The following CEP128 variants were observed in gnomAD, a reference collection of about 807,000 sequenced individuals.
CEP128 encodes the protein centrosomal protein 128, also known as centrosomal protein 128kDa.
CEP128 carries 132 observed loss-of-function variants against 156.7 expected under a neutral mutation model. The observed-to-expected ratio is 0.84, with a 90% CI of 0.73 to 0.97. The LOEUF is 0.97. CEP128 is among the 50% of genes least tolerant of loss of function. The pLI is 0.00. For synonymous variants in CEP128, 469 were observed against 448.9 expected (o/e 1.04, Z -0.57); for missense variants, 1,252 against 1,281.9 (o/e 0.98, Z 0.36).
intron 2 of CEP128, chr14:80,954,924 C>T (rs1886572580): frequency 1.3e-5 from 2 of 152,856 alleles, no homozygotes; most frequent in African/African-American, 4.8e-5. Context: ...CAGCAGATGG[C>T]CCCAAAGTTC....
intron 23 of CEP128, among the ~76,000 whole-genome samples, chr14:80,512,976 G>T (rs1436776263): frequency 6.6e-6 from 1 of 151,904 alleles, no homozygotes; most frequent in African/African-American, 2.4e-5. Context: ...TTATCTTTTA[G>T]TCTTTCTACT....
chr14:80,917,660 T>A (rs570975146), intron 2 of CEP128, among the ~76,000 whole-genome samples: 1 of 152,272 alleles, frequency 6.6e-6, no homozygotes, highest in Non-Finnish European at 1.5e-5. Flanking sequence ...TGCCTCAGCC[T>A]CCCGAGAAAA....
chr14:80,877,463 A>T (rs1384263785), intron 8 of CEP128, among the ~76,000 whole-genome samples: 1 of 152,246 alleles, frequency 6.6e-6, no homozygotes, highest in Admixed American at 6.5e-5. Flanking sequence ...AATGTATAAG[A>T]TATAAAACTT....
intron 16 of CEP128, among the ~76,000 whole-genome samples, chr14:80,765,789 G>A (rs1205136401): frequency 6.6e-6 from 1 of 152,146 alleles, no homozygotes; most frequent in African/African-American, 2.4e-5. Context: ...GGTAACCAAA[G>A]CGCAGACAGA....
At chr14:80,702,335 G>T (rs1196221838) in intron 19 of CEP128, among the ~76,000 whole-genome samples, 1 of 152,102 alleles carries the variant, frequency 6.6e-6, no homozygotes, top group East Asian at 1.9e-4. Flanking sequence ...CCAAATTAAA[G>T]AAATTACATT....
chr14:80,902,144 A>C (rs527410344), intron 6 of CEP128, among the ~76,000 whole-genome samples: 1 of 152,120 alleles, frequency 6.6e-6, no homozygotes, highest in South Asian at 2.1e-4. Context: ...TCTTTCCACT[A>C]TCGCATGCAT....
At chr14:80,601,835 A>T (rs1892592398) in intron 19 of CEP128, among the ~76,000 whole-genome samples, 1 of 151,696 alleles carries the variant, frequency 6.6e-6, no homozygotes, top group African/African-American at 2.4e-5. Flanking sequence ...ACACTGTCAT[A>T]TATGCAGTCC....
intron 13 of CEP128, among the ~76,000 whole-genome samples, chr14:80,809,523 A>G (rs962600669): frequency 1.3e-5 from 2 of 152,170 alleles, no homozygotes; most frequent in Admixed American, 6.5e-5. Flanking sequence ...GGGATCCCCA[A>G]TAAGATACAA....
chr14:80,507,898 G>A (rs1370043487), intron 23 of CEP128, among the ~76,000 whole-genome samples: 1 of 152,138 alleles, frequency 6.6e-6, no homozygotes, highest in Non-Finnish European at 1.5e-5. Context: ...TCTATTTAGG[G>A]AAAAATAATA....
chr14:80,700,880 A>T (rs1020029047), intron 19 of CEP128, among the ~76,000 whole-genome samples: 15 of 152,292 alleles, frequency 9.8e-5, no homozygotes, highest in Admixed American at 9.2e-4. Context: ...TGTTTAACTG[A>T]CCATACAGAT....
intron 13 of CEP128, among the ~76,000 whole-genome samples, chr14:80,801,374 T>C (rs1351850474): frequency 1.7e-5 from 2 of 116,606 alleles, no homozygotes; most frequent in Non-Finnish European, 3.8e-5. Flanking sequence ...GCTGTGGGTT[T>C]GTCATAAATA....
At chr14:80,634,447 A>G (rs1253298317) in intron 19 of CEP128, among the ~76,000 whole-genome samples, 1 of 152,110 alleles carries the variant, frequency 6.6e-6, no homozygotes, top group African/African-American at 2.4e-5. Flanking sequence ...ACTAATATCA[A>G]TATAGATGTT....
chr14:80,481,733 AC>A (rs1887057704), intron 14 of CEP128, among the ~76,000 whole-genome samples: 1 of 152,196 alleles, frequency 6.6e-6, no homozygotes, highest in Non-Finnish European at 1.5e-5. Context: ...ATTTCTCTGG[AC>A]CTAACACTAA....
At chr14:80,605,956 T>C (rs1385737866) in intron 19 of CEP128, among the ~76,000 whole-genome samples, 3 of 151,828 alleles carry the variant, frequency 2.0e-5, no homozygotes, top group Non-Finnish European at 4.4e-5. Context: ...TATTATAGTA[T>C]AAACTTTAAA....
intron 13 of CEP128, among the ~76,000 whole-genome samples, chr14:80,795,131 C>A (rs1048304239): frequency 1.2e-4 from 18 of 152,086 alleles, no homozygotes; most frequent in African/African-American, 4.1e-4. Context: ...GCTTCTAGAG[C>A]CCATGTTATC....
intron 21 of CEP128, among the ~76,000 whole-genome samples, chr14:80,545,465 G>A (rs1393928364): frequency 6.6e-6 from 1 of 152,150 alleles, no homozygotes; most frequent in East Asian, 1.9e-4. Flanking sequence ...AGTTTCCAAA[G>A]ATAATGGTTT....
chr14:80,682,279 GA>G (rs1389941598), intron 19 of CEP128, among the ~76,000 whole-genome samples: 1 of 152,126 alleles, frequency 6.6e-6, no homozygotes, highest in African/African-American at 2.4e-5. Context: ...TTCTGGAATT[GA>G]AAAACTCAAA....
chr14:80,951,506 C>A (rs1886464537), intron 2 of CEP128, among the ~76,000 whole-genome samples: 1 of 151,856 alleles, frequency 6.6e-6, no homozygotes, highest in South Asian at 2.1e-4. Context: ...AGTATAATAA[C>A]CAGAGTTATA....
intron 19 of CEP128, among the ~76,000 whole-genome samples, chr14:80,700,979 A>G (rs77368576): frequency 2.5e-4 from 38 of 152,234 alleles, no homozygotes; most frequent in African/African-American, 9.1e-4. Context: ...GGGAAGAGGG[A>G]GCAGAACAAG....
Sources: allele counts gnomAD v4.1 joint callset (sites outside exome capture counted in the v4.1 genomes callset), GRCh38; gene constraint gnomAD v4.1.1; transcripts MANE v1.5; gene names NCBI Gene and HGNC (gene_info 2026-07-23, HGNC 2026-07-21).